SLC30A8: variants seen among roughly 807,000 people sequenced by gnomAD.
SLC30A8 encodes the protein solute carrier family 30 member 8, also known as proton-coupled zinc antiporter SLC30A8.
Under a neutral mutation model 36.9 loss-of-function variants are expected in SLC30A8, and 27 were observed. The ratio of observed to expected loss-of-function variants is 0.73; its 90% CI spans 0.54 to 1.01. SLC30A8 has a LOEUF of 1.01. SLC30A8 is among the 50% of genes least tolerant of loss of function. SLC30A8 has a pLI of 0.00. For missense variants in SLC30A8, 439 were observed against 452.0 expected (o/e 0.97, Z 0.26); for synonymous variants, 164 against 172.4 (o/e 0.95, Z 0.38).
rs1411295703 is a variant in SLC30A8 at position 117,176,517 on chromosome 8, G to A, written c.*3836G>A. ...ATCCCAAGCTTTACAAATCCTGCCT[G>A]GCTTGACAGTGATGAGGCCACTTAA... is the stretch of plus-strand genomic sequence containing the variant. On this transcript the variant is annotated 3_prime_UTR_variant, in exon 8 of 8. Coordinates refer to ENST00000456015, the MANE Select transcript of SLC30A8 (RefSeq NM_173851.3). 1 of 152,418 alleles carries A rather than the reference G, an allele frequency of 6.6e-6. No homozygotes were observed. The highest frequency in any genetic ancestry group is 1.9e-4 in the East Asian group (1 of 5,158). 9.4% of individuals were successfully genotyped at this position (152,418 alleles called of 1,614,324 possible).
At chr8:117,085,925 C>T (rs1448711709) in intron 2 of SLC30A8, among the ~76,000 whole-genome samples, 3 of 152,040 alleles carry the variant, frequency 2.0e-5, no homozygotes, top group African/African-American at 7.2e-5. Context: ...GTATGAAGAA[C>T]AAAATAATTC....
rs1445713046 is a variant in SLC30A8 at position 117,097,875 on chromosome 8, TA to T, written c.-225-37403del. Among the ~76,000 whole-genome samples the T allele has an allele frequency of 1.5e-3, 126 of 83,612 alleles. 2 individuals carry two copies. Among genetic ancestry groups the T allele is most frequent in the African/African-American group, 5.4e-3 (112 of 20,690 alleles). The allele number at this position is 83,612 out of a possible 152,430, so 54.9% of individuals were successfully genotyped here. On this transcript the variant is annotated intron_variant, in intron 2 of 10. Coordinates refer to the SLC30A8 transcript ENST00000427715. Reference sequence around the variant, plus strand: ...AAATATATATATTATATATAATATATAATTTTAAATAAATATATATTATATA... The same window carrying T: ...AAATATATATATTATATATAATATATATTTTAAATAAATATATATTATATA...
chr8:117,006,337 A>G (rs750187428), intron 1 of SLC30A8, among the ~76,000 whole-genome samples: 14 of 152,114 alleles, frequency 9.2e-5, no homozygotes, highest in Non-Finnish European at 1.6e-4. Flanking sequence ...GTGTGATCCT[A>G]TTGGGTTTTT....
intron 2 of SLC30A8, among the ~76,000 whole-genome samples, chr8:117,086,548 G>A (rs1818885374): frequency 6.6e-6 from 1 of 152,164 alleles, no homozygotes; most frequent in Non-Finnish European, 1.5e-5. Context: ...ATTGGCTGAG[G>A]TCAAACTGGT....
chr8:117,059,761 A>C (rs985265570), intron 2 of SLC30A8, among the ~76,000 whole-genome samples: 1 of 152,184 alleles, frequency 6.6e-6, no homozygotes, highest in Non-Finnish European at 1.5e-5. Flanking sequence ...TTAATTCCAA[A>C]AACAGTGAGC....
At chr8:116,953,181 A>G (rs1031676196) in intron 1 of SLC30A8, among the ~76,000 whole-genome samples, 11 of 152,178 alleles carry the variant, frequency 7.2e-5, no homozygotes, top group African/African-American at 2.7e-4. Context: ...AGCTGCATCC[A>G]TGTTGCTGCA....
At chr8:117,104,923 A>C (rs906249625) in intron 2 of SLC30A8, among the ~76,000 whole-genome samples, 2 of 152,096 alleles carry the variant, frequency 1.3e-5, no homozygotes, top group African/African-American at 4.8e-5. Context: ...TGATGTTGTC[A>C]TGGCATCTGT....
intron 2 of SLC30A8, among the ~76,000 whole-genome samples, chr8:117,128,816 C>T (rs1463915471): frequency 1.3e-5 from 2 of 151,936 alleles, no homozygotes; most frequent in Non-Finnish European, 2.9e-5. Context: ...CTGACAAGAG[C>T]TTTCTGAGGT....
At chr8:117,081,745 G>A (rs1457486980) in intron 2 of SLC30A8, among the ~76,000 whole-genome samples, 1 of 152,140 alleles carries the variant, frequency 6.6e-6, no homozygotes, top group East Asian at 1.9e-4. Context: ...TTCACACTTG[G>A]AATACAAGTT....
chr8:117,121,706 C>G (rs902509376), intron 2 of SLC30A8, among the ~76,000 whole-genome samples: 3 of 151,910 alleles, frequency 2.0e-5, no homozygotes, highest in Non-Finnish European at 4.4e-5. Context: ...CATGGATGAA[C>G]CTTGAAGGCA....
chr8:117,122,400 T>A (rs534151070), intron 2 of SLC30A8, among the ~76,000 whole-genome samples: 1 of 151,988 alleles, frequency 6.6e-6, no homozygotes, highest in African/African-American at 2.4e-5. Context: ...GTCCACCTTT[T>A]ACACATAAGG....
chr8:117,022,771 A>C (rs1418511760), intron 1 of SLC30A8, among the ~76,000 whole-genome samples: 1 of 152,204 alleles, frequency 6.6e-6, no homozygotes, highest in Non-Finnish European at 1.5e-5. Flanking sequence ...AACCATAAAA[A>C]CCCTAGAAGA....
chr8:117,043,376 G>C (rs1033822509), intron 2 of SLC30A8, among the ~76,000 whole-genome samples: 3 of 152,188 alleles, frequency 2.0e-5, no homozygotes, highest in Non-Finnish European at 4.4e-5. Flanking sequence ...AACTTGAGTG[G>C]GTTTGTGAGG....
chr8:116,961,533 A>G (rs1043347219), intron 1 of SLC30A8, among the ~76,000 whole-genome samples: 1 of 152,034 alleles, frequency 6.6e-6, no homozygotes, highest in Non-Finnish European at 1.5e-5. Flanking sequence ...AAAGAGAAAT[A>G]AAACTGCAGA....
At chr8:116,989,026 T>G (rs1185311129) in intron 1 of SLC30A8, among the ~76,000 whole-genome samples, 1 of 152,208 alleles carries the variant, frequency 6.6e-6, no homozygotes, top group Admixed American at 6.5e-5. Context: ...AAGATAGATA[T>G]TCAAAAACCA....
At chr8:117,062,485 A>G (rs751068201) in intron 2 of SLC30A8, among the ~76,000 whole-genome samples, 80 of 152,196 alleles carry the variant, frequency 5.3e-4, no homozygotes, top group Non-Finnish European at 1.0e-3. Flanking sequence ...ATCAGATCTC[A>G]CATGAACTCA....
At chr8:117,006,644 C>T (rs954234322) in intron 1 of SLC30A8, among the ~76,000 whole-genome samples, 1 of 151,882 alleles carries the variant, frequency 6.6e-6, no homozygotes, top group South Asian at 2.1e-4. Flanking sequence ...ACGGCTGGTG[C>T]GTCATCAGTC....
intron 2 of SLC30A8, among the ~76,000 whole-genome samples, chr8:117,080,338 T>A (rs767080253): frequency 2.2e-4 from 33 of 152,152 alleles, no homozygotes; most frequent in Non-Finnish European, 4.3e-4. Context: ...TCTTTTTCAA[T>A]TTTTATTTTA....
intron 2 of SLC30A8, among the ~76,000 whole-genome samples, chr8:117,061,674 G>T (rs1232436215): frequency 6.6e-6 from 1 of 152,188 alleles, no homozygotes; most frequent in Non-Finnish European, 1.5e-5. Flanking sequence ...CCAAATCTGG[G>T]CTGCTCAAGC....
Sources: allele counts gnomAD v4.1 joint callset (sites outside exome capture counted in the v4.1 genomes callset), GRCh38; gene constraint gnomAD v4.1.1; transcripts MANE v1.5; gene names NCBI Gene and HGNC (gene_info 2026-07-23, HGNC 2026-07-21).